The following AHNAK2 variants were observed in gnomAD, a reference collection of about 807,000 sequenced individuals.
AHNAK2 encodes protein AHNAK2.
A neutral mutation model predicts 30.7 loss-of-function variants in AHNAK2; 18 were observed. That is an observed-to-expected ratio of 0.59 (90% CI 0.41 to 0.87). The LOEUF is 0.87. AHNAK2 is among the 40% of genes least tolerant of loss of function. The pLI is 0.00. For missense variants in AHNAK2, 8,604 were observed against 7,373.0 expected (o/e 1.17, Z -6.11); for synonymous variants, 3,590 against 3,073.8 (o/e 1.17, Z -5.56).
At chr14:104,965,085 G>A (rs991630452) in intron 1 of AHNAK2, among the ~76,000 whole-genome samples, 1 of 152,124 alleles carries the variant, frequency 6.6e-6, no homozygotes, top group African/African-American at 2.4e-5. Flanking sequence ...TAGCTCATCA[G>A]CTATCATTAG....
rs778500483 is a variant in AHNAK2 at position 104,944,533 on chromosome 14, T to A, written c.10918A>T (p.Met3640Leu). The A allele has an allele frequency of 6.2e-7, 1 of 1,612,822 alleles. No homozygotes were observed. Among genetic ancestry groups the A allele is most frequent in the East Asian group, 2.2e-5 (1 of 44,790 alleles). The change falls in exon 7 of 7, where the codon ATG (methionine) becomes TTG (leucine). Residue 3640 changes from methionine (M) to leucine (L), a missense_variant. By Grantham distance (15) the Met-to-Leu change is conservative (BLOSUM62 2). Coordinates refer to ENST00000333244, the MANE Select transcript of AHNAK2 (RefSeq NM_138420.4). The part of the protein sequence containing the change: ...DVTAKDSKFK[M>L]PKFKMPSFRV... Reference sequence around the variant, plus strand: ...AATGACGGCATCTTGAATTTGGGCATTTTGAACTTGCTGTCTTTGGCAGTC... The same window carrying A: ...AATGACGGCATCTTGAATTTGGGCAATTTGAACTTGCTGTCTTTGGCAGTC...
rs1481008577 is a variant in AHNAK2 at position 104,939,566 on chromosome 14, A to G, written c.15885T>C (p.Ser5295=). ...CTTTGGATGGATGGATCCTGACCTC[A>G]GAAGTGGAAAGCTCATCCCCAGTCA... ...AGMTGDELST[S]EVRIHPSKGP... is the part of the protein sequence containing the mutation. Residue 5295 remains serine (S), a synonymous_variant, in exon 7 of 7, where the codon TCT becomes TCC. Coordinates refer to ENST00000333244, the MANE Select transcript of AHNAK2 (RefSeq NM_138420.4). 1 of 1,613,886 alleles carries G rather than the reference A, an allele frequency of 6.2e-7. No individual in the cohort carries two copies. The highest frequency in any genetic ancestry group is 8.5e-7 in the Non-Finnish European group (1 of 1,179,898).
chr14:104,953,645 T>G lies in AHNAK2; in HGVS notation c.1806A>C (p.Arg602Ser). Residue 602 changes from arginine (R) to serine (S), a missense_variant, in exon 7 of 7, where the codon AGA (arginine) becomes AGC (serine). Transcript: ENST00000333244. ...WSPSKHTKTGREKATEDTEQG... is the reference protein window; with the variant it reads ...WSPSKHTKTGSEKATEDTEQG... ...GCTCTGTGTCTTCTGTGGCTTTTTC[T>G]CTGCCTGTCTTTGTGTGCTTGCTTG... The G allele has an allele frequency of 6.2e-7, 1 of 1,613,944 alleles. No individual in the cohort carries two copies. Among genetic ancestry groups the G allele is most frequent in the African/African-American group, 1.3e-5 (1 of 75,028 alleles).
At position 104,953,267 on chromosome 14, in the gene AHNAK2, A is replaced by G. The variant is rs1276997721; in HGVS notation, c.2184T>C (p.Pro728=). The stretch of plus-strand genomic sequence containing the variant: ...CATCCTGGACCTCCAGGTCAGCGGA[A>G]GGGGTCTGGACGCTGAGGTCAGTGG... The part of the protein sequence containing the change: ...LKTTDLSVQT[P]SADLEVQDGQ... Residue 728 remains proline (P), a synonymous_variant, in exon 7 of 7, where the codon CCT becomes CCC. Coordinates refer to ENST00000333244, the MANE Select transcript of AHNAK2 (RefSeq NM_138420.4). 1 of 1,612,870 alleles carries G rather than the reference A, an allele frequency of 6.2e-7. No individual in the cohort carries two copies. The highest frequency in any genetic ancestry group is 8.5e-7 in the Non-Finnish European group (1 of 1,179,642).
rs192698964 is a variant in AHNAK2, at chr14:104,951,443, C to T, written c.4008G>A (p.Pro1336=). ...SKFKMPKFKM[P]SFGVSAPGKS... ...TGCCTGGGGCAGACACCCCGAACGA[C>T]GGCATCTTGAACTTGGGCATTTTGA... The change falls in exon 7 of 7, where the codon CCG becomes CCA. Residue 1336 remains proline, a synonymous_variant. Coordinates refer to ENST00000333244, the MANE Select transcript of AHNAK2 (RefSeq NM_138420.4). 2.0e-3 allele frequency: 2,493 copies of T among 1,239,048 alleles called. 786 individuals carry two copies. The highest frequency in any genetic ancestry group is 0.017 in the South Asian group (1,167 of 69,718). The allele number at this position is 1,239,048 out of a possible 1,614,324, so 76.8% of individuals were successfully genotyped here.
Position 104,947,179 on chromosome 14 carries a change from C to G in AHNAK2, c.8272G>C (p.Val2758Leu), listed in dbSNP as rs549568568. The G allele has an allele frequency of 3.7e-4, 604 of 1,610,862 alleles. 21 individuals are homozygous for G. The African/African-American group carries it at 6.3e-3, about 17-fold the overall frequency. ...TCCGCCTTGGGGCCTTTCAGGTCCA[C>G]GTTGGGGCCCTTAACATCTATCTGG... ...GPQIDVKGPN[V>L]DLKGPKAEVT... is the part of the protein sequence containing the mutation. Residue 2758 changes from valine to leucine, a missense_variant, in exon 7 of 7, where the codon GTG becomes CTG. Physicochemically the swap from Val to Leu is conservative, Grantham distance 32 (BLOSUM62 1). Coordinates refer to ENST00000333244, the MANE Select transcript of AHNAK2 (RefSeq NM_138420.4).
rs138389157 is a variant in AHNAK2 at position 104,948,035 on chromosome 14, C to G, written c.7416G>C (p.Ala2472=). ...GAWLEGDLSV[A]DKDVTTKDSR... is the part of the protein sequence containing the mutation. ...TGTCTTTGGTAGTCACATCCTTGTC[C>G]GCCACAGACAGGTCCCCCTCCAGCC... The change falls in exon 7 of 7, where the codon GCG becomes GCC. Residue 2472 remains alanine (A), a synonymous_variant. Transcript: ENST00000333244. The G allele has an allele frequency of 0.034, 54,685 of 1,609,388 alleles. 1,125 individuals carry two copies. The highest frequency in any genetic ancestry group is 0.038 in the Non-Finnish European group (44,811 of 1,178,334).
At position 104,953,278 on chromosome 14, in the gene AHNAK2, C is replaced by G; in HGVS notation, c.2173G>C (p.Val725Leu). Residue 725 changes from valine (V) to leucine (L), a missense_variant, in exon 7 of 7, where the codon GTC becomes CTC. Transcript: ENST00000333244. ...QGDLKTTDLSVQTPSADLEVQ... is the reference protein window; with the variant it reads ...QGDLKTTDLSLQTPSADLEVQ... Reference sequence around the variant, plus strand: ...TCCAGGTCAGCGGAAGGGGTCTGGACGCTGAGGTCAGTGGTCTTGAGGTCC... The same window carrying G: ...TCCAGGTCAGCGGAAGGGGTCTGGAGGCTGAGGTCAGTGGTCTTGAGGTCC... 1.2e-6 allele frequency: 2 copies of G among 1,611,246 alleles called. No individual in the cohort carries two copies. Among genetic ancestry groups the G allele is most frequent in the Non-Finnish European group, 1.7e-6 (2 of 1,179,182 alleles).
At position 104,944,182 on chromosome 14, in the gene AHNAK2, C is replaced by G. The variant is rs373616638; in HGVS notation, c.11269G>C (p.Val3757Leu). ...GACACCTCCACATCAGGGGCTGTGA[C>G]TTCCGCCTTGGAGACTTTTAGGTCC... is the stretch of plus-strand genomic sequence containing the variant. Reference protein sequence around the residue: ...KLDLKVSKAEVTAPDVEVSLP... With the variant: ...KLDLKVSKAELTAPDVEVSLP... Residue 3757 changes from valine (V) to leucine (L), a missense_variant, in exon 7 of 7, where the codon GTC (valine) becomes CTC (leucine). Transcript: ENST00000333244. 8 of 1,613,404 alleles carry G rather than the reference C, an allele frequency of 5.0e-6. No individual in the cohort carries two copies. Among genetic ancestry groups the G allele is most frequent in the Non-Finnish European group, 6.8e-6 (8 of 1,179,716 alleles).
In AHNAK2 at chr14:104,948,681, T is replaced by A. The variant is rs776932352; in HGVS notation, c.6770A>T (p.Asp2257Val). 3.5e-5 allele frequency: 56 copies of A among 1,609,326 alleles called. 2 individuals are homozygous for A. In the East Asian group the frequency reaches 1.2e-3, roughly 35 times the overall value. ...TAGGTCCAGCTTGGGGCCCTTGATG[T>A]CTATTTCGGGGCCCTTGAGGTCCAC... ...PKVDLKGPEIDIKGPKLDLKD... is the reference protein window; with the variant it reads ...PKVDLKGPEIVIKGPKLDLKD... Residue 2257 changes from aspartate (D) to valine (V), a missense_variant, in exon 7 of 7, where the codon GAC becomes GTC. Asp to Val is a radical substitution (Grantham distance 152, BLOSUM62 -3). Transcript: ENST00000333244.
chr14:104,969,238 T>C (rs1899402829), intron 1 of AHNAK2, among the ~76,000 whole-genome samples: 1 of 152,206 alleles, frequency 6.6e-6, no homozygotes, highest in South Asian at 2.1e-4. Flanking sequence ...CATTCCCCAC[T>C]GCAGCCCAGC....
chr14:104,975,339 C>G (rs935764786), intron 1 of AHNAK2, among the ~76,000 whole-genome samples: 5 of 152,238 alleles, frequency 3.3e-5, no homozygotes, highest in Non-Finnish European at 7.3e-5. Flanking sequence ...CAGAGGCCAG[C>G]AGGCAGCCCA....
chr14:104,944,949 G>A lies in AHNAK2; in HGVS notation c.10502C>T (p.Pro3501Leu), dbSNP rs186773816. The A allele has an allele frequency of 2.4e-3, 3,864 of 1,612,220 alleles. 124 individuals carry two copies. In the Admixed American group the frequency reaches 0.059, roughly 24 times the overall value. ...SIEASLDVSAPKVEADVSLSS... is the reference protein window; with the variant it reads ...SIEASLDVSALKVEADVSLSS... ...GAGGCTCACGTCGGCCTCCACCTTC[G>A]GCGCAGACACATCCAGCGAGGCCTC... The change falls in exon 7 of 7, where the codon CCG becomes CTG. Residue 3501 changes from proline to leucine, a missense_variant. Physicochemically the swap from Pro to Leu is moderately conservative, Grantham distance 98 (BLOSUM62 -3). Coordinates refer to ENST00000333244, the MANE Select transcript of AHNAK2 (RefSeq NM_138420.4).
At position 104,945,817 on chromosome 14, in the gene AHNAK2, G is replaced by A. The variant is rs779225839; in HGVS notation, c.9634C>T (p.Pro3212Ser). ...VQAGQVDVKLPEGHVLEGAGL... is the reference protein window; with the variant it reads ...VQAGQVDVKLSEGHVLEGAGL... ...GCTCCCTCGAGAACGTGGCCCTCTG[G>A]GAGCTTCACGTCCACCTGGCCAGCC... is the stretch of plus-strand genomic sequence containing the variant. Residue 3212 changes from proline (P) to serine (S), a missense_variant, in exon 7 of 7, where the codon CCA becomes TCA. Physicochemically the swap from Pro to Ser is moderately conservative, Grantham distance 74. Coordinates refer to ENST00000333244, the MANE Select transcript of AHNAK2 (RefSeq NM_138420.4). 2.7e-6 allele frequency: 4 copies of A among 1,501,464 alleles called. No individual in the cohort carries two copies. The African/African-American group carries it at 4.2e-5, about 16-fold the overall frequency. 93.0% of individuals were successfully genotyped at this position (1,501,464 alleles called of 1,614,324 possible). A position where few individuals can be genotyped will look rare whatever the true frequency, so the allele number is the denominator to read the frequency against.
Position 104,945,938 on chromosome 14 carries a change from T to G in AHNAK2, c.9513A>C (p.Pro3171=), listed in dbSNP as rs2819427. The G allele has an allele frequency of 3.2e-6, 4 of 1,242,704 alleles. 1 individual carries two copies. The highest frequency in any genetic ancestry group is 4.6e-6 in the Non-Finnish European group (4 of 878,570). 77.0% of individuals were successfully genotyped at this position (1,242,704 alleles called of 1,614,324 possible). The part of the protein sequence containing the change: ...SIEVLVDVSA[P]KVEADLSLPS... ...GGAGGCTCAGGTCGGCCTCCACCTTTGGCGCAGACACATCCACCAAGACCT... is the reference window on the plus strand; with the variant it reads ...GGAGGCTCAGGTCGGCCTCCACCTTGGGCGCAGACACATCCACCAAGACCT... Residue 3171 remains proline (P), a synonymous_variant, in exon 7 of 7, where the codon CCA becomes CCC. Transcript: ENST00000333244.
Position 104,941,252 on chromosome 14 carries a change from C to A in AHNAK2, c.14199G>T (p.Thr4733=), listed in dbSNP as rs369983671. ...PGAKSSIGLS[T]IPLSSSECSS... is the part of the protein sequence containing the mutation. ...AGCATTCTGAAGATGATAAAGGAAT[C>A]GTGGAAAGACCTATGCTAGACTTTG... is the stretch of plus-strand genomic sequence containing the variant. The change falls in exon 7 of 7, where the codon ACG becomes ACT. Residue 4733 remains threonine (T), a synonymous_variant. Coordinates refer to ENST00000333244, the MANE Select transcript of AHNAK2 (RefSeq NM_138420.4). 1.2e-6 allele frequency: 2 copies of A among 1,613,466 alleles called. No individual in the cohort carries two copies. Among genetic ancestry groups the A allele is most frequent in the South Asian group, 1.1e-5 (1 of 91,076 alleles).
Position 104,949,388 on chromosome 14 carries a change from G to C in AHNAK2, c.6063C>G (p.Asp2021Glu). 6.3e-7 allele frequency: 1 copy of C among 1,579,532 alleles called. No individual in the cohort carries two copies. Among genetic ancestry groups the C allele is most frequent in the African/African-American group, 1.4e-5 (1 of 72,846 alleles). Residue 2021 changes from aspartate (D) to glutamate (E), a missense_variant, in exon 7 of 7, where the codon GAC (aspartate) becomes GAG (glutamate). Physicochemically the swap from Asp to Glu is conservative, Grantham distance 45. Coordinates refer to ENST00000333244, the MANE Select transcript of AHNAK2 (RefSeq NM_138420.4). ...CCCCCTGCATGGAGGGGAGACTCAC[G>C]TCGGCCTCCACCTTGGGTGCAGGCA... Reference protein sequence around the residue: ...VDVPAPKVEADVSLPSMQGDL... With the variant: ...VDVPAPKVEAEVSLPSMQGDL...
Position 104,955,214 on chromosome 14 carries a change from C to T in AHNAK2, c.467-73G>A, listed in dbSNP as rs763129323. 20 of 1,505,898 alleles carry T rather than the reference C, an allele frequency of 1.3e-5. No individual in the cohort carries two copies. The African/African-American group carries it at 1.8e-4, about 13-fold the overall frequency. 93.3% of individuals were successfully genotyped at this position (1,505,898 alleles called of 1,614,324 possible). On this transcript the variant is annotated intron_variant, in intron 5 of 6. Transcript: ENST00000333244. ...GGGTCTGCTGTCTTGCCTTGGCTGGCGAGGAGGGTCCCGGGGACATGAATA... is the reference window on the plus strand; with the variant it reads ...GGGTCTGCTGTCTTGCCTTGGCTGGTGAGGAGGGTCCCGGGGACATGAATA...
rs773018752 is a variant in AHNAK2, at chr14:104,956,580, G to A, written c.315+8C>T. 2 of 1,613,592 alleles carry A rather than the reference G, an allele frequency of 1.2e-6. No individual in the cohort carries two copies. The highest frequency in any genetic ancestry group is 1.7e-6 in the Non-Finnish European group (2 of 1,179,672). ...ACCTCTGTGACCCTCAGCTCCTGCT[G>A]TACCCACCTCTGGACGACTCATCCT... On this transcript the variant is annotated splice_region_variant and intron_variant, in intron 4 of 6. Coordinates refer to ENST00000333244, the MANE Select transcript of AHNAK2 (RefSeq NM_138420.4).
Sources: gnomAD v4.1 joint callset for allele counts (sites outside exome capture counted in the v4.1 genomes callset) on GRCh38, gnomAD v4.1.1 for gene constraint, MANE v1.5 for transcripts, NCBI Gene and HGNC (gene_info 2026-07-23, HGNC 2026-07-21) for gene names.